WDFY3: variants seen among roughly 807,000 people sequenced by gnomAD.
WDFY3 encodes WD repeat and FYVE domain-containing protein 3.
WDFY3 carries 66 observed loss-of-function variants against 409.6 expected under a neutral mutation model. The observed-to-expected ratio is 0.16, with a 90% CI of 0.13 to 0.20. WDFY3 has a LOEUF of 0.20. WDFY3 is among the 10% of genes least tolerant of loss of function. The pLI is 1.00. For synonymous variants in WDFY3, 1,521 were observed against 1,537.1 expected (o/e 0.99, Z 0.25); for missense variants, 3,031 against 4,298.1 (o/e 0.71, Z 8.24).
At position 84,671,375 on chromosome 4, in the gene WDFY3, G is replaced by A. The variant is rs953475481; in HGVS notation, c.*1493C>T. On this transcript the variant is annotated 3_prime_UTR_variant, in exon 68 of 68. Coordinates refer to ENST00000295888, the MANE Select transcript of WDFY3 (RefSeq NM_014991.6). ...TGTGAAGGTGTGAAGGCCTATCTTGGGCCATTAATGATTCTATATTTTTCA... is the reference window on the plus strand; with the variant it reads ...TGTGAAGGTGTGAAGGCCTATCTTGAGCCATTAATGATTCTATATTTTTCA... 4 of 152,396 alleles carry A rather than the reference G, an allele frequency of 2.6e-5. 1 individual carries two copies. The highest frequency in any genetic ancestry group is 2.6e-4 in the Admixed American group (4 of 15,268). The allele number at this position is 152,396 out of a possible 1,614,324, so 9.4% of individuals were successfully genotyped here.
At chr4:84,681,865 A>G (rs981236093) in intron 64 of WDFY3, among the ~76,000 whole-genome samples, 1 of 152,244 alleles carries the variant, frequency 6.6e-6, no homozygotes, top group African/African-American at 2.4e-5. Flanking sequence ...TGCTTCACAA[A>G]TAATGGACTA....
At chr4:84,733,134 A>G (rs1288719179) in intron 44 of WDFY3, among the ~76,000 whole-genome samples, 4 of 152,210 alleles carry the variant, frequency 2.6e-5, no homozygotes, top group Admixed American at 1.3e-4. Context: ...AAAGTGGCAG[A>G]GTCAGGTCTT....
chr4:84,680,131 C>T (rs983857182), intron 64 of WDFY3, among the ~76,000 whole-genome samples: 4 of 152,098 alleles, frequency 2.6e-5, no homozygotes, highest in Admixed American at 2.6e-4. Context: ...CCTCATGATC[C>T]ACCCACTTTG....
In WDFY3 at chr4:84,716,882, C is replaced by G. The variant is rs771018241; in HGVS notation, c.7875+14G>C. 1 of 1,567,194 alleles carries G rather than the reference C, an allele frequency of 6.4e-7. No individual in the cohort carries two copies. Among genetic ancestry groups the G allele is most frequent in the East Asian group, 2.4e-5 (1 of 42,284 alleles). ...AAAGAAACATGATAAAACAGTACTA[C>G]TAAATTGACTCACCTGCAGGAGATA... On this transcript the variant is annotated intron_variant, in intron 49 of 67. Coordinates refer to ENST00000295888, the MANE Select transcript of WDFY3 (RefSeq NM_014991.6).
intron 5 of WDFY3, among the ~76,000 whole-genome samples, chr4:84,842,095 AG>A (rs1757439439): frequency 6.6e-6 from 1 of 152,216 alleles, no homozygotes; most frequent in African/African-American, 2.4e-5. Context: ...GAGTAAATGG[AG>A]AAGTCTCTAA....
intron 44 of WDFY3, among the ~76,000 whole-genome samples, chr4:84,727,938 GAAGAT>G (rs1347747786): frequency 6.6e-6 from 1 of 151,854 alleles, no homozygotes; most frequent in Non-Finnish European, 1.5e-5. Flanking sequence ...TAGGGATTTA[GAAGAT>G]AAAAGTATAA....
At chr4:84,732,580 AG>A (rs1736783091) in intron 44 of WDFY3, among the ~76,000 whole-genome samples, 3 of 152,082 alleles carry the variant, frequency 2.0e-5, no homozygotes, top group African/African-American at 7.2e-5. Flanking sequence ...TCTGTTTCTG[AG>A]TTTGATTGTT....
At chr4:84,754,724 A>G (rs1409447478) in intron 34 of WDFY3, among the ~76,000 whole-genome samples, 1 of 152,196 alleles carries the variant, frequency 6.6e-6, no homozygotes. Flanking sequence ...AACAAAATCA[A>G]ATGAAACTTG....
chr4:84,921,919 T>A (rs1769344146), intron 2 of WDFY3, among the ~76,000 whole-genome samples: 2 of 152,094 alleles, frequency 1.3e-5, no homozygotes, highest in South Asian at 4.1e-4. Context: ...CCTCCCAAAG[T>A]GCTGGGATCA....
Position 84,695,507 on chromosome 4 carries a change from G to GAC in WDFY3, c.8901+462_8901+463insGT, listed in dbSNP as rs1729962367. Among the ~76,000 whole-genome samples, 13 of 118,012 alleles carry GAC rather than the reference G, an allele frequency of 1.1e-4. No individual in the cohort carries two copies. The South Asian group carries it at 1.3e-3, about 12-fold the overall frequency. The allele number at this position is 118,012 out of a possible 152,430, so 77.4% of individuals were successfully genotyped here. A position where few individuals can be genotyped will look rare whatever the true frequency, so the allele number is the denominator to read the frequency against. On this transcript the variant is annotated intron_variant, in intron 58 of 67. Transcript: ENST00000295888. The stretch of plus-strand genomic sequence containing the variant: ...ACACACACACACAGAGACAGAGAGA[G>GAC]ATAGAGAGAGAGAGAGAGAGAGAGA...
At chr4:84,924,989 C>T (rs987838923) in intron 2 of WDFY3, among the ~76,000 whole-genome samples, 1 of 152,166 alleles carries the variant, frequency 6.6e-6, no homozygotes, top group Non-Finnish European at 1.5e-5. Flanking sequence ...GTTTAATGCT[C>T]ACAATCTCCT....
At chr4:84,753,917 T>C (rs756944626) in intron 34 of WDFY3, 41 bp from the exon 35 acceptor site, 11 of 1,492,356 alleles carry the variant, frequency 7.4e-6, no homozygotes, top group Non-Finnish European at 9.8e-6. Flanking sequence ...GTTACAGTTA[T>C]TGACACTGCT....
rs760347720 is a variant in WDFY3 at position 84,701,268 on chromosome 4, G to A, written c.8596+1085C>T. 9.2e-5 allele frequency among the ~76,000 whole-genome samples: 14 copies of A among 152,150 alleles called. 1 individual carries two copies. The highest frequency in any genetic ancestry group is 3.9e-4 in the Admixed American group (6 of 15,262). On this transcript the variant is annotated intron_variant, in intron 56 of 67. Coordinates refer to ENST00000295888, the MANE Select transcript of WDFY3 (RefSeq NM_014991.6). ...TTAGCTGCTCAAGGGTGAGCTCTAGGCATAATTACAGGTAATGAAAATCAA... is the reference window on the plus strand; with the variant it reads ...TTAGCTGCTCAAGGGTGAGCTCTAGACATAATTACAGGTAATGAAAATCAA...
At chr4:84,681,641 G>A (rs890879124) in intron 64 of WDFY3, among the ~76,000 whole-genome samples, 4 of 152,102 alleles carry the variant, frequency 2.6e-5, no homozygotes, top group Non-Finnish European at 4.4e-5. Context: ...GTGCACAAAA[G>A]CCAATCATGG....
chr4:84,682,290 T>G (rs1161323598), intron 64 of WDFY3, 84 bp downstream of exon 64: 1 of 1,319,368 alleles, frequency 7.6e-7, no homozygotes, highest in Admixed American at 2.2e-5. Context: ...GGCTCCTCTT[T>G]ATGTTGTTTG....
At chr4:84,678,333 T>G in intron 65 of WDFY3, 54 bp from the exon 66 acceptor site, 1 of 1,298,204 alleles carries the variant, frequency 7.7e-7, no homozygotes, top group Non-Finnish European at 1.1e-6. Flanking sequence ...AAGCCAATAC[T>G]GGGGAGAACT....
chr4:84,738,998 C>A lies in WDFY3; in HGVS notation c.6574+12G>T, dbSNP rs770501301. On this transcript the variant is annotated intron_variant, in intron 40 of 67. Transcript: ENST00000295888. ...ACCACAATTTAAAAACATCCCAAGTCAAGGCAATTACCTTCACTAATATCT... is the reference window on the plus strand; with the variant it reads ...ACCACAATTTAAAAACATCCCAAGTAAAGGCAATTACCTTCACTAATATCT... 2 of 1,611,828 alleles carry A rather than the reference C, an allele frequency of 1.2e-6. No individual in the cohort carries two copies. The highest frequency in any genetic ancestry group is 1.7e-4 in the Middle Eastern group (1 of 6,060).
At chr4:84,712,024 A>C (rs1287909613) in intron 51 of WDFY3, among the ~76,000 whole-genome samples, 2 of 152,022 alleles carry the variant, frequency 1.3e-5, no homozygotes, top group Admixed American at 1.3e-4. Context: ...CTACCACAAT[A>C]AAATAATGAA....
chr4:84,749,060 AT>A (rs1277287733), intron 36 of WDFY3, among the ~76,000 whole-genome samples: 1 of 151,912 alleles, frequency 6.6e-6, no homozygotes, highest in Non-Finnish European at 1.5e-5. Context: ...GCTATGGCTA[AT>A]TTTTTTGTAA....
Sources: gnomAD v4.1 joint callset for allele counts (sites outside exome capture counted in the v4.1 genomes callset) on GRCh38, gnomAD v4.1.1 for gene constraint, MANE v1.5 for transcripts, NCBI Gene and HGNC (gene_info 2026-07-23, HGNC 2026-07-21) for gene names.